Variants in MUSK observed in about 807,000 individuals in gnomAD.
MUSK encodes the protein muscle, skeletal receptor tyrosine-protein kinase.
MUSK carries 55 observed loss-of-function variants against 88.7 expected under a neutral mutation model. That is an observed-to-expected ratio of 0.62 (90% CI 0.50 to 0.78). The LOEUF (loss-of-function observed/expected upper bound fraction) is 0.78, where lower values mean the gene tolerates loss of function less well. Ranked by LOEUF, MUSK falls within the 30% of genes least tolerant of loss-of-function variation. MUSK has a pLI of 0.00. For missense variants in MUSK, 1,015 were observed against 1,074.3 expected (o/e 0.94, Z 0.77); for synonymous variants, 387 against 391.9 (o/e 0.99, Z 0.15).
At chr9:110,758,734 AAATT>A (rs112511598) in intron 7 of MUSK, among the ~76,000 whole-genome samples, 51 of 152,336 alleles carry the variant, frequency 3.3e-4, no homozygotes, top group African/African-American at 1.2e-3. Context: ...TCAGGGTACA[AAATT>A]AATGTACAAA....
intron 5 of MUSK, among the ~76,000 whole-genome samples, chr9:110,713,416 T>C (rs1258691295): frequency 6.6e-6 from 1 of 152,036 alleles, no homozygotes; most frequent in Non-Finnish European, 1.5e-5. Context: ...TGTGCCACCA[T>C]GCCCAGCTAA....
In MUSK at chr9:110,787,793, G is replaced by A. The variant is rs776795823; in HGVS notation, c.1882G>A (p.Ala628Thr). Residue 628 changes from alanine to threonine, a missense_variant, in exon 14 of 15, where the codon GCC becomes ACC. Physicochemically the swap from Ala to Thr is moderately conservative, Grantham distance 58. Transcript: ENST00000374448. ...DMQADFQREA[A>T]LMAEFDNPNI... ...GCAAGCGGACTTTCAGAGGGAGGCA[G>A]CCCTCATGGCAGAATTTGACAACCC... The A allele has an allele frequency of 1.9e-6, 3 of 1,613,432 alleles. No homozygotes were observed. Among genetic ancestry groups the A allele is most frequent in the Non-Finnish European group, 2.5e-6 (3 of 1,179,692 alleles).
At chr9:110,675,866 T>C (rs1404055858) in intron 1 of MUSK, among the ~76,000 whole-genome samples, 1 of 152,108 alleles carries the variant, frequency 6.6e-6, no homozygotes, top group Non-Finnish European at 1.5e-5. Flanking sequence ...TGGCCTAGTC[T>C]TTCTTTTTAA....
chr9:110,747,815 C>T lies in MUSK; in HGVS notation c.913+15C>T, dbSNP rs930255882. 2 of 1,612,982 alleles carry T rather than the reference C, an allele frequency of 1.2e-6. No homozygotes were observed. Among genetic ancestry groups the T allele is most frequent in the Non-Finnish European group, 1.7e-6 (2 of 1,179,224 alleles). On this transcript the variant is annotated intron_variant, in intron 7 of 14. Transcript: ENST00000374448. ...CAGCATAGCAGGTAGGATGCCCCTT[C>T]ACATTTGCGTTGTTCCAGGAGAGGG...
intron 8 of MUSK, 21 bp from the exon 9 acceptor site, chr9:110,767,799 G>A (rs1229992832): frequency 1.4e-5 from 22 of 1,613,220 alleles, no homozygotes; most frequent in Non-Finnish European, 1.8e-5. Context: ...GATTAGAAAT[G>A]TTGTTCATTT....
At chr9:110,714,735 G>A (rs1297117725) in intron 5 of MUSK, among the ~76,000 whole-genome samples, 1 of 152,072 alleles carries the variant, frequency 6.6e-6, no homozygotes, top group Non-Finnish European at 1.5e-5. Context: ...AGCCTCAATA[G>A]GATTACTTTT....
At chr9:110,776,564 C>A in intron 10 of MUSK, 68 bp from the exon 11 acceptor site, 1 of 1,287,994 alleles carries the variant, frequency 7.8e-7, no homozygotes, top group Non-Finnish European at 1.1e-6. Context: ...TTAGCACTCA[C>A]TCTCTCACAG....
chr9:110,804,815 C>T lies in MUSK; in HGVS notation c.*3827C>T, dbSNP rs1475847956. On this transcript the variant is annotated 3_prime_UTR_variant, in exon 15 of 15. Coordinates refer to ENST00000374448, the MANE Select transcript of MUSK (RefSeq NM_005592.4). ...AAAAACACCAACCAGAGGTAATTAACATTAACATCATAATATTCTTCCAGG... is the reference window on the plus strand; with the variant it reads ...AAAAACACCAACCAGAGGTAATTAATATTAACATCATAATATTCTTCCAGG... Among the ~76,000 whole-genome samples, 1 of 151,800 alleles carries T rather than the reference C, an allele frequency of 6.6e-6. No individual in the cohort carries two copies. The highest frequency in any genetic ancestry group is 1.5e-5 in the Non-Finnish European group (1 of 67,816).
At chr9:110,739,571 TATAAAG>T (rs2077071839) in intron 6 of MUSK, among the ~76,000 whole-genome samples, 1 of 152,146 alleles carries the variant, frequency 6.6e-6, no homozygotes, top group Non-Finnish European at 1.5e-5. Flanking sequence ...ATCTCAGATA[TATAAAG>T]ATATTCTTAT....
intron 5 of MUSK, among the ~76,000 whole-genome samples, chr9:110,702,756 G>T (rs1339977075): frequency 6.6e-6 from 1 of 152,036 alleles, no homozygotes; most frequent in Non-Finnish European, 1.5e-5. Context: ...AGCCAGGTGT[G>T]GTGGTACATG....
chr9:110,693,403 C>T (rs535419458), intron 3 of MUSK, among the ~76,000 whole-genome samples: 6 of 152,156 alleles, frequency 3.9e-5, no homozygotes, highest in South Asian at 2.1e-4. Context: ...ATAAGGCTCC[C>T]GAGATCCCCC....
intron 7 of MUSK, among the ~76,000 whole-genome samples, chr9:110,751,040 A>G (rs1310804016): frequency 1.3e-5 from 2 of 152,156 alleles, no homozygotes; most frequent in African/African-American, 2.4e-5. Context: ...CATCATAAGT[A>G]CAAAGGTGGT....
chr9:110,693,603 G>C (rs1265861184), intron 3 of MUSK, among the ~76,000 whole-genome samples: 1 of 152,148 alleles, frequency 6.6e-6, no homozygotes, highest in Admixed American at 6.5e-5. Context: ...CTTACAGTGG[G>C]GATCCATGGC....
At chr9:110,723,160 G>A (rs374339060) in intron 5 of MUSK, among the ~76,000 whole-genome samples, 5 of 150,792 alleles carry the variant, frequency 3.3e-5, no homozygotes, top group African/African-American at 1.2e-4. Flanking sequence ...AGTGGATAAA[G>A]AAAATGTGAG....
chr9:110,752,058 C>T (rs991547811), intron 7 of MUSK, among the ~76,000 whole-genome samples: 1 of 152,116 alleles, frequency 6.6e-6, no homozygotes, highest in Non-Finnish European at 1.5e-5. Context: ...GGTTGATTCT[C>T]ACTGATTATT....
chr9:110,740,592 A>G (rs1427652321), intron 6 of MUSK, among the ~76,000 whole-genome samples: 1 of 152,206 alleles, frequency 6.6e-6, no homozygotes, highest in Non-Finnish European at 1.5e-5. Flanking sequence ...GAGCAAAATA[A>G]AAACTAAAAA....
chr9:110,764,830 T>C (rs1446456690), intron 8 of MUSK, among the ~76,000 whole-genome samples: 2 of 152,200 alleles, frequency 1.3e-5, no homozygotes, highest in Non-Finnish European at 1.5e-5. Flanking sequence ...AAGCTAGTGG[T>C]CATCAAGCTG....
At chr9:110,734,155 A>G in intron 5 of MUSK, 96 bp from the exon 6 acceptor site, 1 of 1,380,504 alleles carries the variant, frequency 7.2e-7, no homozygotes, top group Non-Finnish European at 9.9e-7. Context: ...AGAACTGCAC[A>G]CAGGGGAACA....
chr9:110,777,420 A>C (rs1348360990), intron 11 of MUSK, among the ~76,000 whole-genome samples: 1 of 152,126 alleles, frequency 6.6e-6, no homozygotes, highest in Non-Finnish European at 1.5e-5. Flanking sequence ...AGCTTGCTTA[A>C]AGGACCAACA....
Sources: allele counts gnomAD v4.1 joint callset (sites outside exome capture counted in the v4.1 genomes callset), GRCh38; gene constraint gnomAD v4.1.1; transcripts MANE v1.5; gene names NCBI Gene and HGNC (gene_info 2026-07-23, HGNC 2026-07-21).